PHACTR4: variants seen among roughly 807,000 people sequenced by gnomAD.
The protein encoded by PHACTR4 is protein phosphatase 1, regulatory subunit 124.
In PHACTR4, 51 loss-of-function variants were observed where a neutral mutation model predicts 72.7. The ratio of observed to expected loss-of-function variants is 0.70; its 90% CI spans 0.56 to 0.89. The LOEUF is 0.89. PHACTR4 is among the 40% of genes least tolerant of loss of function. PHACTR4 has a pLI of 0.00. For missense variants in PHACTR4, 731 were observed against 861.8 expected (o/e 0.85, Z 1.90); for synonymous variants, 255 against 302.5 (o/e 0.84, Z 1.63).
chr1:28,468,046 G>C (rs1313103497), intron 6 of PHACTR4, among the ~76,000 whole-genome samples: 1 of 152,132 alleles, frequency 6.6e-6, no homozygotes, highest in East Asian at 1.9e-4. Context: ...TCACCATGTT[G>C]GGTGGAGTGA....
At chr1:28,442,186 G>A (rs1045874131) in intron 2 of PHACTR4, among the ~76,000 whole-genome samples, 1 of 151,246 alleles carries the variant, frequency 6.6e-6, no homozygotes, top group Non-Finnish European at 1.5e-5. Context: ...TATTTTTTTG[G>A]CTGGGCGCAG....
At chr1:28,411,728 C>G (rs1226074077) in intron 2 of PHACTR4, among the ~76,000 whole-genome samples, 1 of 151,920 alleles carries the variant, frequency 6.6e-6, no homozygotes, top group African/African-American at 2.4e-5. Context: ...GATGGTTGCA[C>G]CAGAATCTTA....
At chr1:28,378,196 CATA>C (rs1651843287) in intron 1 of PHACTR4, among the ~76,000 whole-genome samples, 3 of 56,230 alleles carry the variant, frequency 5.3e-5, no homozygotes, top group African/African-American at 1.4e-4. Flanking sequence ...GACTCCATCT[CATA>C]AAAAAAAAAA....
intron 13 of PHACTR4, among the ~76,000 whole-genome samples, chr1:28,496,286 G>A (rs1363878095): frequency 1.3e-5 from 2 of 151,566 alleles, no homozygotes; most frequent in East Asian, 3.9e-4. Flanking sequence ...TCAATCTCCT[G>A]ACCTCTTGAT....
intron 2 of PHACTR4, among the ~76,000 whole-genome samples, chr1:28,421,936 A>G (rs542088498): frequency 5.8e-4 from 88 of 152,352 alleles, no homozygotes; most frequent in Non-Finnish European, 9.7e-4. Context: ...CCAAAGGTGA[A>G]TGATGGATGG....
intron 7 of PHACTR4, among the ~76,000 whole-genome samples, chr1:28,474,883 G>T (rs1659824162): frequency 6.6e-6 from 1 of 151,924 alleles, no homozygotes. Context: ...TCTGCCAAAA[G>T]AATAAGTTAT....
chr1:28,450,974 CTTTTT>C (rs1188704308), intron 2 of PHACTR4, among the ~76,000 whole-genome samples: 3,005 of 72,074 alleles, frequency 0.042, 109 homozygotes, highest in Non-Finnish European at 0.055. Flanking sequence ...CCACACCCAG[CTTTTT>C]TTTTTTTTTT....
At chr1:28,487,352 C>A (rs1366307950) in intron 9 of PHACTR4, among the ~76,000 whole-genome samples, 1 of 150,910 alleles carries the variant, frequency 6.6e-6, no homozygotes, top group African/African-American at 2.4e-5. Flanking sequence ...GGCGGCAGAG[C>A]AAGATTCTGC....
intron 1 of PHACTR4, among the ~76,000 whole-genome samples, chr1:28,403,116 G>C (rs950006839): frequency 6.6e-6 from 1 of 152,128 alleles, no homozygotes; most frequent in Non-Finnish European, 1.5e-5. Context: ...GTCCTAGGTT[G>C]GGTTATCTTT....
chr1:28,467,689 T>G (rs1659285692), intron 6 of PHACTR4, among the ~76,000 whole-genome samples: 1 of 152,324 alleles, frequency 6.6e-6, no homozygotes, highest in African/African-American at 2.4e-5. Context: ...AGCTATTACT[T>G]AAATTGTTCT....
chr1:28,376,041 C>T (rs1026153362), intron 1 of PHACTR4, among the ~76,000 whole-genome samples: 1 of 151,658 alleles, frequency 6.6e-6, no homozygotes, highest in Admixed American at 6.6e-5. Flanking sequence ...TGCACTCCAG[C>T]CTGGGCAACA....
chr1:28,469,441 A>G (rs1265351312), intron 6 of PHACTR4, among the ~76,000 whole-genome samples: 1 of 152,254 alleles, frequency 6.6e-6, no homozygotes, highest in Non-Finnish European at 1.5e-5. Context: ...TACCCATCCC[A>G]GAAACACTCT....
At chr1:28,382,417 C>T (rs568065027) in intron 1 of PHACTR4, among the ~76,000 whole-genome samples, 10 of 151,850 alleles carry the variant, frequency 6.6e-5, no homozygotes, top group Non-Finnish European at 1.2e-4. Context: ...CATTCTCCTG[C>T]CTCAGCCTCC....
chr1:28,484,537 TG>T (rs1462312619), intron 9 of PHACTR4, among the ~76,000 whole-genome samples: 2 of 151,896 alleles, frequency 1.3e-5, no homozygotes, highest in East Asian at 3.9e-4. Context: ...TGTGTGTATG[TG>T]TATATATATG....
At chr1:28,413,655 CTGCATGT>C (rs1330677687) in intron 2 of PHACTR4, among the ~76,000 whole-genome samples, 1 of 152,082 alleles carries the variant, frequency 6.6e-6, no homozygotes, top group Non-Finnish European at 1.5e-5. Flanking sequence ...TTTGAAGTCT[CTGCATGT>C]TTCTTTTTAT....
intron 2 of PHACTR4, among the ~76,000 whole-genome samples, chr1:28,411,770 C>G (rs1017582621): frequency 6.6e-6 from 1 of 151,710 alleles, no homozygotes; most frequent in Non-Finnish European, 1.5e-5. Flanking sequence ...ATTCATGTAA[C>G]CAAATACTAC....
chr1:28,486,538 T>G (rs1286831684), intron 9 of PHACTR4, among the ~76,000 whole-genome samples: 7 of 152,012 alleles, frequency 4.6e-5, no homozygotes, highest in Non-Finnish European at 8.8e-5. Context: ...TTGTTTTTTG[T>G]TTTTTGTTTT....
chr1:28,371,003 C>T (rs1035060029), intron 1 of PHACTR4, among the ~76,000 whole-genome samples: 1 of 152,098 alleles, frequency 6.6e-6, no homozygotes, highest in Non-Finnish European at 1.5e-5. Flanking sequence ...CCGGAAACCG[C>T]GGAACTGCGT....
intron 2 of PHACTR4, among the ~76,000 whole-genome samples, chr1:28,425,669 C>G (rs1319862405): frequency 6.6e-6 from 1 of 152,162 alleles, no homozygotes; most frequent in African/African-American, 2.4e-5. Flanking sequence ...TAGCTGTCAT[C>G]AGACACATAC....
Sources: gnomAD v4.1 joint callset for allele counts (sites outside exome capture counted in the v4.1 genomes callset) on GRCh38, gnomAD v4.1.1 for gene constraint, MANE v1.5 for transcripts, NCBI Gene and HGNC (gene_info 2026-07-23, HGNC 2026-07-21) for gene names.